GLRA3: variants seen among roughly 807,000 people sequenced by gnomAD.
GLRA3 encodes glycine receptor alpha 3.
A neutral mutation model predicts 60.4 loss-of-function variants in GLRA3; 44 were observed. The ratio of observed to expected loss-of-function variants is 0.73; its 90% CI spans 0.57 to 0.94. The LOEUF is 0.94. GLRA3 is among the 40% of genes least tolerant of loss of function. The pLI is 0.00. For missense variants in GLRA3, 508 were observed against 564.6 expected (o/e 0.90, Z 1.02); for synonymous variants, 223 against 192.9 (o/e 1.16, Z -1.29).
At chr4:174,703,255 G>A (rs553831637) in intron 5 of GLRA3, among the ~76,000 whole-genome samples, 36 of 152,264 alleles carry the variant, frequency 2.4e-4, no homozygotes, top group African/African-American at 7.9e-4. Flanking sequence ...CACTGGTGAG[G>A]ATCTATGAAC....
At position 174,776,010 on chromosome 4, in the gene GLRA3, G is replaced by T. The variant is rs74958247; in HGVS notation, c.200-8980C>A. On this transcript the variant is annotated intron_variant, in intron 2 of 9. Transcript: ENST00000274093. Reference sequence around the variant, plus strand: ...AGGGACTGCATGGAGAGGGGAAGGAGGTGGAGAGTGAGAAGGGGACCCCAG... The same window carrying T: ...AGGGACTGCATGGAGAGGGGAAGGATGTGGAGAGTGAGAAGGGGACCCCAG... Among the ~76,000 whole-genome samples the T allele has an allele frequency of 5.3e-3, 811 of 152,122 alleles. 12 individuals are homozygous for T. The highest frequency in any genetic ancestry group is 0.019 in the African/African-American group (771 of 41,496).
intron 3 of GLRA3, among the ~76,000 whole-genome samples, chr4:174,761,368 G>A (rs1465369298): frequency 6.6e-6 from 1 of 151,994 alleles, no homozygotes; most frequent in Non-Finnish European, 1.5e-5. Context: ...TAAAATGTGA[G>A]CCTATCATTT....
chr4:174,653,599 T>A (rs1733095539), intron 9 of GLRA3, among the ~76,000 whole-genome samples: 1 of 151,924 alleles, frequency 6.6e-6, no homozygotes. Context: ...TTTAAAAAGA[T>A]GAATGTTTTA....
intron 3 of GLRA3, among the ~76,000 whole-genome samples, chr4:174,765,410 C>T (rs1738102149): frequency 6.6e-6 from 1 of 152,002 alleles, no homozygotes; most frequent in African/African-American, 2.4e-5. Flanking sequence ...ATCTTTCCAG[C>T]TATTGCTGTG....
At chr4:174,782,925 A>C (rs1172503828) in intron 2 of GLRA3, among the ~76,000 whole-genome samples, 2 of 152,180 alleles carry the variant, frequency 1.3e-5, no homozygotes, top group East Asian at 3.8e-4. Flanking sequence ...TGCCATCCCC[A>C]TCAAGCTACC....
At chr4:174,684,762 C>G (rs947226524) in intron 5 of GLRA3, among the ~76,000 whole-genome samples, 17 of 152,188 alleles carry the variant, frequency 1.1e-4, no homozygotes, top group African/African-American at 3.1e-4. Context: ...AATACCAGCA[C>G]TTTGGAAGGC....
chr4:174,753,120 T>C (rs1737552890), intron 3 of GLRA3, among the ~76,000 whole-genome samples: 1 of 152,188 alleles, frequency 6.6e-6, no homozygotes, highest in African/African-American at 2.4e-5. Context: ...CTCATTGACT[T>C]CCTAAGTAAC....
chr4:174,692,460 C>T (rs1424145466), intron 5 of GLRA3, among the ~76,000 whole-genome samples: 41 of 151,052 alleles, frequency 2.7e-4, no homozygotes, highest in Middle Eastern at 3.4e-3. Context: ...TCACTGAGAA[C>T]GGGCCATGAT....
intron 4 of GLRA3, 93 bp downstream of exon 4, chr4:174,728,382 C>A: frequency 1.4e-6 from 1 of 699,344 alleles, no homozygotes; most frequent in Admixed American, 2.6e-5. Flanking sequence ...AGCACTTGTT[C>A]AAAAATGTCA....
chr4:174,695,617 C>T (rs1393109188), intron 5 of GLRA3, among the ~76,000 whole-genome samples: 1 of 152,016 alleles, frequency 6.6e-6, no homozygotes, highest in Non-Finnish European at 1.5e-5. Context: ...CTCTGACAAA[C>T]CTGCAGCCAA....
intron 1 of GLRA3, among the ~76,000 whole-genome samples, chr4:174,803,812 C>T (rs573705881): frequency 6.6e-6 from 1 of 152,260 alleles, no homozygotes; most frequent in African/African-American, 2.4e-5. Flanking sequence ...AGACAAACTT[C>T]AGCAAAGACT....
At chr4:174,675,769 A>C (rs1026588546) in intron 7 of GLRA3, among the ~76,000 whole-genome samples, 39 of 152,302 alleles carry the variant, frequency 2.6e-4, no homozygotes, top group Middle Eastern at 3.4e-3. Flanking sequence ...AGACATTATT[A>C]GGAAAGACAA....
intron 1 of GLRA3, among the ~76,000 whole-genome samples, chr4:174,825,485 A>G (rs1374202425): frequency 2.6e-5 from 4 of 152,112 alleles, no homozygotes; most frequent in East Asian, 3.8e-4. Flanking sequence ...CTGTGTTGAT[A>G]TCAACTTGTA....
At chr4:174,824,984 A>G (rs576771536) in intron 1 of GLRA3, among the ~76,000 whole-genome samples, 2 of 152,272 alleles carry the variant, frequency 1.3e-5, no homozygotes, top group East Asian at 1.9e-4. Flanking sequence ...GACTTGCCTC[A>G]GTACACAGTT....
intron 1 of GLRA3, among the ~76,000 whole-genome samples, chr4:174,814,063 G>T (rs1031228359): frequency 2.0e-5 from 3 of 152,306 alleles, no homozygotes; most frequent in Admixed American, 6.5e-5. Flanking sequence ...AGCATCAAGG[G>T]GGGGTATCCA....
intron 6 of GLRA3, among the ~76,000 whole-genome samples, chr4:174,681,851 T>G (rs189649921): frequency 2.6e-5 from 4 of 152,210 alleles, no homozygotes; most frequent in Non-Finnish European, 4.4e-5. Context: ...GCTCTTTATC[T>G]TTGTGTTGAG....
In GLRA3 at chr4:174,723,856, TAA is replaced by T. The variant is rs369153681; in HGVS notation, c.491+4617_491+4618del. Among the ~76,000 whole-genome samples the T allele has an allele frequency of 6.6e-3, 1,007 of 152,090 alleles. 3 individuals carry two copies. Among genetic ancestry groups the T allele is most frequent in the Non-Finnish European group, 0.01 (704 of 67,878 alleles). ...ACTTAAAATATATGTGTTTAATTCA[TAA>T]GTGATACATAACTTGTTATGAAAAA... On this transcript the variant is annotated intron_variant, in intron 4 of 9. Transcript: ENST00000274093.
At chr4:174,739,408 T>C (rs1396574952) in intron 3 of GLRA3, among the ~76,000 whole-genome samples, 2 of 147,786 alleles carry the variant, frequency 1.4e-5, no homozygotes, top group Non-Finnish European at 3.0e-5. Context: ...GGTAAATTCC[T>C]GAAAAATTCC....
intron 6 of GLRA3, among the ~76,000 whole-genome samples, chr4:174,677,543 A>G (rs1489783352): frequency 2.2e-5 from 3 of 135,600 alleles, no homozygotes; most frequent in African/African-American, 5.3e-5. Flanking sequence ...TTTTTTTTGT[A>G]GAGATGTGGT....
Sources: allele counts gnomAD v4.1 joint callset (sites outside exome capture counted in the v4.1 genomes callset), GRCh38; gene constraint gnomAD v4.1.1; transcripts MANE v1.5; gene names NCBI Gene and HGNC (gene_info 2026-07-23, HGNC 2026-07-21).